MGMT: variants seen among roughly 807,000 people sequenced by gnomAD.
MGMT encodes the protein O-6-methylguanine-DNA methyltransferase, also known as methylated-DNA--protein-cysteine methyltransferase.
Under a neutral mutation model 15.9 loss-of-function variants are expected in MGMT, and 14 were observed. That is an observed-to-expected ratio of 0.88 (90% CI 0.58 to 1.37). The LOEUF is 1.37. Among genes scored for constraint, MGMT ranks in the 40% most tolerant of loss-of-function variants. The pLI, the probability that MGMT is intolerant of heterozygous loss-of-function variation, is 0.00. For missense variants in MGMT, 282 were observed against 268.1 expected, an observed-to-expected ratio of 1.05 and a Z score of -0.36; for synonymous variants, 130 against 118.2, an observed-to-expected ratio of 1.10 and a Z score of -0.65.
chr10:129,662,631 G>T (rs1048527917), intron 2 of MGMT, among the ~76,000 whole-genome samples: 3 of 152,138 alleles, frequency 2.0e-5, no homozygotes, highest in African/African-American at 7.2e-5. Context: ...TTCTGGAAAT[G>T]AAATTTCACG....
At chr10:129,740,268 C>A (rs1564781000) in intron 3 of MGMT, among the ~76,000 whole-genome samples, 1 of 152,074 alleles carries the variant, frequency 6.6e-6, no homozygotes, top group Admixed American at 6.5e-5. Flanking sequence ...ATCACATGGG[C>A]CCTGGGTGCC....
intron 1 of MGMT, among the ~76,000 whole-genome samples, chr10:129,520,992 T>C (rs1056830336): frequency 2.0e-5 from 3 of 147,674 alleles, no homozygotes; most frequent in Admixed American, 6.7e-5. Context: ...GCCCCTACGG[T>C]GCGCGTACGG....
chr10:129,572,801 C>T (rs760311959), intron 2 of MGMT, among the ~76,000 whole-genome samples: 1 of 152,096 alleles, frequency 6.6e-6, no homozygotes, highest in Non-Finnish European at 1.5e-5. Flanking sequence ...TCTGTTTTTT[C>T]CAGTGACTGC....
intron 2 of MGMT, among the ~76,000 whole-genome samples, chr10:129,687,030 G>A (rs909005678): frequency 5.9e-5 from 9 of 152,134 alleles, no homozygotes; most frequent in Non-Finnish European, 1.0e-4. Context: ...TTTGGGGTAG[G>A]GCTCTGTTGC....
intron 2 of MGMT, among the ~76,000 whole-genome samples, chr10:129,555,327 G>T (rs1377999273): frequency 6.6e-6 from 1 of 152,216 alleles, no homozygotes; most frequent in African/African-American, 2.4e-5. Context: ...CGTGCTGTCT[G>T]CTGTGAGTCC....
intron 1 of MGMT, among the ~76,000 whole-genome samples, chr10:129,491,362 C>T (rs1845467382): frequency 1.3e-5 from 2 of 152,116 alleles, no homozygotes; most frequent in Non-Finnish European, 2.9e-5. Flanking sequence ...TGTTTTTACT[C>T]TGGCTGCTTT....
intron 3 of MGMT, among the ~76,000 whole-genome samples, chr10:129,720,056 G>A (rs554558266): frequency 1.3e-5 from 2 of 152,250 alleles, no homozygotes; most frequent in East Asian, 1.9e-4. Context: ...TCCCAAGGAC[G>A]CCCGCCCTCC....
intron 1 of MGMT, among the ~76,000 whole-genome samples, chr10:129,522,902 G>A (rs571800081): frequency 1.2e-4 from 18 of 152,318 alleles, no homozygotes; most frequent in Admixed American, 2.0e-4. Flanking sequence ...TGATGTTTCC[G>A]TCAGATCTTC....
At chr10:129,628,712 A>G (rs375540833) in intron 2 of MGMT, among the ~76,000 whole-genome samples, 17 of 152,322 alleles carry the variant, frequency 1.1e-4, no homozygotes, top group African/African-American at 4.1e-4. Flanking sequence ...GTGCCAAGAG[A>G]CAAGTAGAGC....
intron 1 of MGMT, among the ~76,000 whole-genome samples, chr10:129,477,404 G>A (rs371164414): frequency 1.5e-4 from 23 of 152,290 alleles, no homozygotes; most frequent in African/African-American, 5.1e-4. Flanking sequence ...ACAGGGTGCT[G>A]TGGACTGAAC....
At chr10:129,522,399 T>A (rs973075764) in intron 1 of MGMT, among the ~76,000 whole-genome samples, 3 of 152,132 alleles carry the variant, frequency 2.0e-5, no homozygotes, top group Admixed American at 2.0e-4. Flanking sequence ...CCTGTGTGGG[T>A]GTGTGACTCC....
At chr10:129,589,833 G>A (rs1589882317) in intron 2 of MGMT, among the ~76,000 whole-genome samples, 2 of 152,208 alleles carry the variant, frequency 1.3e-5, no homozygotes, top group African/African-American at 4.8e-5. Context: ...TGGGAGCCGC[G>A]TGAAAATCAG....
intron 3 of MGMT, among the ~76,000 whole-genome samples, chr10:129,737,586 G>A (rs372330968): frequency 5.8e-4 from 89 of 152,338 alleles, no homozygotes; most frequent in South Asian, 1.2e-3. Flanking sequence ...GCTTTGTTCC[G>A]TTGCTGGTGA....
chr10:129,638,429 C>CAAAAAAAAAAAAAAAAGAAAAAAAAAAAA (rs1327986095), intron 2 of MGMT, among the ~76,000 whole-genome samples: 3 of 61,750 alleles, frequency 4.9e-5, no homozygotes, highest in Non-Finnish European at 9.8e-5. Flanking sequence ...ACCAAAGAGG[C>CAAAAAAAAAAAAAAAAGAAAAAAAAAAAA]AAAAAAAAAA....
intron 2 of MGMT, among the ~76,000 whole-genome samples, chr10:129,541,639 C>A (rs1453240989): frequency 6.6e-6 from 1 of 152,152 alleles, no homozygotes; most frequent in African/African-American, 2.4e-5. Context: ...TAAGGGGGCT[C>A]ATCTTTCACT....
At chr10:129,520,579 G>T (rs987186561) in intron 1 of MGMT, among the ~76,000 whole-genome samples, 3 of 92,824 alleles carry the variant, frequency 3.2e-5, no homozygotes, top group Non-Finnish European at 6.0e-5. Context: ...CTATGGTGCG[G>T]TGCAGAGCCC....
chr10:129,666,293 C>T (rs760051002), intron 2 of MGMT, among the ~76,000 whole-genome samples: 35 of 152,152 alleles, frequency 2.3e-4, no homozygotes, highest in Admixed American at 7.8e-4. Context: ...TTTTAAAAAT[C>T]CAGTTACAGT....
chr10:129,511,202 C>G lies in MGMT; in HGVS notation c.-12-25039C>G, dbSNP rs561311990. Among the ~76,000 whole-genome samples, 7 of 147,038 alleles carry G rather than the reference C, an allele frequency of 4.8e-5. No homozygotes were observed. In the East Asian group the frequency reaches 8.2e-4, roughly 17 times the overall value. On this transcript the variant is annotated intron_variant, in intron 1 of 4. Coordinates refer to ENST00000651593, the MANE Select transcript of MGMT (RefSeq NM_002412.5). ...GCACGTGCTTCATGCAGTAGGAACCCTGTATATCAGATGCAGCCACGTGCT... is the reference window on the plus strand; with the variant it reads ...GCACGTGCTTCATGCAGTAGGAACCGTGTATATCAGATGCAGCCACGTGCT...
At chr10:129,555,168 C>T (rs1043667724) in intron 2 of MGMT, among the ~76,000 whole-genome samples, 3 of 152,214 alleles carry the variant, frequency 2.0e-5, no homozygotes, top group Non-Finnish European at 2.9e-5. Flanking sequence ...CCCTGCCCTA[C>T]CCGCTGCCCA....
Sources: allele counts gnomAD v4.1 joint callset (sites outside exome capture counted in the v4.1 genomes callset), GRCh38; gene constraint gnomAD v4.1.1; transcripts MANE v1.5; gene names NCBI Gene and HGNC (gene_info 2026-07-23, HGNC 2026-07-21).